LDLRAD3: variants seen among roughly 807,000 people sequenced by gnomAD.
LDLRAD3 encodes the protein low density lipoprotein receptor class A domain containing 3, also known as low-density lipoprotein receptor class A domain-containing protein 3.
A neutral mutation model predicts 29.4 loss-of-function variants in LDLRAD3; 20 were observed. The observed-to-expected ratio is 0.68, with a 90% CI of 0.48 to 0.99. The LOEUF is 0.99. Ranked by LOEUF, LDLRAD3 falls within the 50% of genes least tolerant of loss-of-function variation. The probability of loss-of-function intolerance (pLI) is 0.00; values close to 1 mark genes in which losing one functional copy is unlikely to be tolerated. For synonymous variants in LDLRAD3, 157 were observed against 192.7 expected (o/e 0.81, Z 1.53); for missense variants, 420 against 454.3 (o/e 0.92, Z 0.69).
intron 1 of LDLRAD3, among the ~76,000 whole-genome samples, chr11:36,021,544 GC>G (rs777560170): frequency 2.0e-5 from 3 of 152,214 alleles, no homozygotes; most frequent in Non-Finnish European, 2.9e-5. Context: ...TGATTGGGAG[GC>G]CCCCTGGTGA....
chr11:36,025,332 G>A (rs559534605), intron 1 of LDLRAD3, among the ~76,000 whole-genome samples: 3 of 151,602 alleles, frequency 2.0e-5, no homozygotes, highest in Non-Finnish European at 4.4e-5. Context: ...CACAAATCCC[G>A]CTGTGTGCCT....
intron 1 of LDLRAD3, among the ~76,000 whole-genome samples, chr11:35,995,703 C>T (rs974887277): frequency 2.0e-5 from 3 of 152,242 alleles, no homozygotes; most frequent in Non-Finnish European, 2.9e-5. Context: ...AGTGTAGCCA[C>T]TGTTATCAGT....
intron 4 of LDLRAD3, among the ~76,000 whole-genome samples, chr11:36,201,835 T>G (rs1397812512): frequency 6.6e-6 from 1 of 152,178 alleles, no homozygotes; most frequent in African/African-American, 2.4e-5. Context: ...GCGGATGTGG[T>G]TTTTCTCAAC....
At chr11:36,126,238 T>G (rs1021371173) in intron 4 of LDLRAD3, among the ~76,000 whole-genome samples, 5 of 152,108 alleles carry the variant, frequency 3.3e-5, no homozygotes. Flanking sequence ...CCTCATCACC[T>G]ATCTCTGCTG....
chr11:36,216,101 C>T (rs12288604), intron 4 of LDLRAD3, among the ~76,000 whole-genome samples: 1,931 of 152,178 alleles, frequency 0.013, 48 homozygotes, highest in African/African-American at 0.044. Flanking sequence ...ATGATGATGC[C>T]GAACCTTAAC....
chr11:36,133,863 G>A (rs1181997325), intron 4 of LDLRAD3, among the ~76,000 whole-genome samples: 1 of 151,924 alleles, frequency 6.6e-6, no homozygotes, highest in Admixed American at 6.6e-5. Context: ...GGATAAAATG[G>A]TCCAGTTCTG....
At chr11:36,115,341 T>C (rs1215329336) in intron 4 of LDLRAD3, among the ~76,000 whole-genome samples, 1 of 152,226 alleles carries the variant, frequency 6.6e-6, no homozygotes, top group Non-Finnish European at 1.5e-5. Context: ...ATGTAGTAGT[T>C]GCTGATTGGA....
chr11:36,125,841 A>C (rs1853828462), intron 4 of LDLRAD3, among the ~76,000 whole-genome samples: 1 of 152,080 alleles, frequency 6.6e-6, no homozygotes, highest in East Asian at 1.9e-4. Context: ...AGCCACATGG[A>C]GGGTGTGGCT....
Position 36,195,825 on chromosome 11 carries a change from G to A in LDLRAD3, c.455-31260G>A, listed in dbSNP as rs144743387. On this transcript the variant is annotated intron_variant, in intron 4 of 5. Transcript: ENST00000315571. ...TGAAGCAGGAAAGACAGGAGAGCCA[G>A]AGACATGCCACTGTTAATTCCCCAT... Among the ~76,000 whole-genome samples, 425 of 152,254 alleles carry A rather than the reference G, an allele frequency of 2.8e-3. 2 individuals are homozygous for A. Among genetic ancestry groups the A allele is most frequent in the Admixed American group, 4.6e-3 (70 of 15,296 alleles).
intron 2 of LDLRAD3, among the ~76,000 whole-genome samples, chr11:36,038,614 C>T (rs1852335153): frequency 6.6e-6 from 1 of 152,180 alleles, no homozygotes; most frequent in South Asian, 2.1e-4. Context: ...CATGCTCAAA[C>T]TGGAAGACAT....
chr11:36,000,271 G>T (rs974150950), intron 1 of LDLRAD3, among the ~76,000 whole-genome samples: 1 of 148,656 alleles, frequency 6.7e-6, no homozygotes, highest in Admixed American at 6.7e-5. Flanking sequence ...TGTAATATAT[G>T]TATATATAAT....
chr11:36,191,036 G>A lies in LDLRAD3; in HGVS notation c.455-36049G>A, dbSNP rs191444563. 8.5e-5 allele frequency among the ~76,000 whole-genome samples: 13 copies of A among 152,066 alleles called. No individual in the cohort carries two copies. The East Asian group carries it at 1.7e-3, about 20-fold the overall frequency. ...CTTTCAAGAAGCTGCTAATAAATAC[G>A]GTCTACCAAAACCAAGGGAGTAAAC... is the stretch of plus-strand genomic sequence containing the variant. On this transcript the variant is annotated intron_variant, in intron 4 of 5. Coordinates refer to ENST00000315571, the MANE Select transcript of LDLRAD3 (RefSeq NM_174902.4).
intron 4 of LDLRAD3, among the ~76,000 whole-genome samples, chr11:36,127,464 C>T (rs1853854652): frequency 6.6e-6 from 1 of 152,078 alleles, no homozygotes; most frequent in Non-Finnish European, 1.5e-5. Context: ...GGGTACTAGC[C>T]TGTTAGGTTA....
intron 4 of LDLRAD3, among the ~76,000 whole-genome samples, chr11:36,191,556 C>CTCTT (rs1854944794): frequency 1.5e-5 from 1 of 67,040 alleles, no homozygotes; most frequent in African/African-American, 6.9e-5. Flanking sequence ...CTCTCTCTCT[C>CTCTT]TCTCTCTCTC....
chr11:36,186,099 C>T (rs1338424005), intron 4 of LDLRAD3, among the ~76,000 whole-genome samples: 1 of 152,130 alleles, frequency 6.6e-6, no homozygotes, highest in Non-Finnish European at 1.5e-5. Flanking sequence ...AAAAACAGAC[C>T]CTGGAGTCAC....
At chr11:36,186,904 A>T (rs903722618) in intron 4 of LDLRAD3, among the ~76,000 whole-genome samples, 4 of 152,220 alleles carry the variant, frequency 2.6e-5, no homozygotes, top group Non-Finnish European at 2.9e-5. Context: ...CACAGTTTTT[A>T]AAAAATGAGT....
chr11:36,095,123 C>T (rs904077168), intron 3 of LDLRAD3, among the ~76,000 whole-genome samples: 4 of 152,154 alleles, frequency 2.6e-5, no homozygotes, highest in East Asian at 1.9e-4. Context: ...GAGTTGAAGG[C>T]TATGGTGAGG....
intron 4 of LDLRAD3, among the ~76,000 whole-genome samples, chr11:36,156,751 C>T (rs542279238): frequency 1.5e-5 from 2 of 132,168 alleles, no homozygotes; most frequent in South Asian, 5.6e-4. Context: ...CAGCATTCAT[C>T]ATCTTCAGCA....
chr11:36,082,419 G>A (rs1853129129), intron 3 of LDLRAD3, among the ~76,000 whole-genome samples: 1 of 152,276 alleles, frequency 6.6e-6, no homozygotes, highest in African/African-American at 2.4e-5. Flanking sequence ...TGAGGTGGGA[G>A]GATGCTTGAG....
Sources: allele counts gnomAD v4.1 joint callset (sites outside exome capture counted in the v4.1 genomes callset), GRCh38; gene constraint gnomAD v4.1.1; transcripts MANE v1.5; gene names NCBI Gene and HGNC (gene_info 2026-07-23, HGNC 2026-07-21).